Variants in BSPH1 observed in about 807,000 individuals in gnomAD.
BSPH1 encodes the protein binder of sperm protein homolog 1, also known as binder of sperm 1.
In BSPH1, 21 loss-of-function variants were observed where a neutral mutation model predicts 22.5. The ratio of observed to expected loss-of-function variants is 0.93; its 90% confidence interval spans 0.66 to 1.35. The LOEUF is 1.35. BSPH1 is among the 40% of genes most tolerant of loss of function. The pLI is 0.00. For missense variants in BSPH1, 141 were observed against 154.2 expected (o/e 0.91, Z 0.45); for synonymous variants, 42 against 53.6 (o/e 0.78, Z 0.95).
intron 1 of BSPH1, among the ~76,000 whole-genome samples, chr19:47,991,272 C>T (rs982068466): frequency 6.6e-6 from 1 of 152,104 alleles, no homozygotes; most frequent in African/African-American, 2.4e-5. Flanking sequence ...GGGCCATGCT[C>T]CTGTCAGACA....
chr19:47,980,912 T>C lies in BSPH1; in HGVS notation c.94+9A>G. The C allele has an allele frequency of 6.9e-7, 1 of 1,456,062 alleles. No homozygotes were observed. Among genetic ancestry groups the C allele is most frequent in the Non-Finnish European group, 9.2e-7 (1 of 1,084,528 alleles). The allele number at this position is 1,456,062 out of a possible 1,614,324, so 90.2% of individuals were successfully genotyped here. A position where few individuals can be genotyped will look rare whatever the true frequency, so the allele number is the denominator to read the frequency against. ...AGAAACGCTAATAAAAGTTTTTTGA[T>C]CAACTCACCCACAGTTGATGATAAT... On this transcript the variant is annotated intron_variant, in intron 2 of 5. Coordinates refer to ENST00000344839, the MANE Select transcript of BSPH1 (RefSeq NM_001128326.2).
In BSPH1 at chr19:47,981,806, ATTGTTC is replaced by A. The variant is rs1412607048; in HGVS notation, c.74-871_74-866del. 3.3e-6 allele frequency: 3 copies of A among 902,104 alleles called. No individual in the cohort carries two copies. In the Admixed American group the frequency reaches 1.9e-4, roughly 56 times the overall value. 55.9% of individuals were successfully genotyped at this position (902,104 alleles called of 1,614,324 possible). ...TTTCTTAAAGCAGCATTTTTCAACCATTGTTCCTTCATGAGCCATTCAACCTGTAAT... is the reference window on the plus strand; with the variant it reads ...TTTCTTAAAGCAGCATTTTTCAACCACTTCATGAGCCATTCAACCTGTAAT... On this transcript the variant is annotated intron_variant, in intron 1 of 5. Coordinates refer to ENST00000344839, the MANE Select transcript of BSPH1 (RefSeq NM_001128326.2).
At chr19:47,983,621 C>G (rs563801626) in intron 1 of BSPH1, among the ~76,000 whole-genome samples, 7 of 152,256 alleles carry the variant, frequency 4.6e-5, no homozygotes, top group African/African-American at 1.4e-4. Flanking sequence ...TGATTAACAC[C>G]AGAAATTCTG....
intron 1 of BSPH1, among the ~76,000 whole-genome samples, 174 bp from the exon 2 acceptor site, chr19:47,981,115 G>A (rs774002077): frequency 3.3e-5 from 5 of 152,042 alleles, no homozygotes; most frequent in Non-Finnish European, 7.4e-5. Flanking sequence ...CTTTCCTTTT[G>A]CTTTAATTGT....
In BSPH1 at chr19:47,988,793, A is replaced by G. The variant is rs538861198; in HGVS notation, c.73+3216T>C. On this transcript the variant is annotated intron_variant, in intron 1 of 5. Coordinates refer to ENST00000344839, the MANE Select transcript of BSPH1 (RefSeq NM_001128326.2). ...TCTCCCCGCAAGGGACCCCACTCCC[A>G]TGTAATCCCTTAGGCAACCCATCAA... is the stretch of plus-strand genomic sequence containing the variant. Among the ~76,000 whole-genome samples the G allele has an allele frequency of 2.6e-5, 4 of 152,254 alleles. No homozygotes were observed. The South Asian group carries it at 8.3e-4, about 32-fold the overall frequency.
intron 3 of BSPH1, among the ~76,000 whole-genome samples, chr19:47,979,180 C>T (rs1318999775): frequency 6.6e-6 from 1 of 152,036 alleles, no homozygotes; most frequent in African/African-American, 2.4e-5. Context: ...CCTCCTCCTC[C>T]TCCTCTTCCA....
At chr19:47,991,929 C>A (rs2122274440) in intron 1 of BSPH1, 80 bp downstream of exon 1, 1 of 891,254 alleles carries the variant, frequency 1.1e-6, no homozygotes, top group East Asian at 2.8e-5. Flanking sequence ...TCCCCACCTT[C>A]TCCCTCCTTC....
At chr19:47,968,613 A>G (rs1040138048) in intron 5 of BSPH1, among the ~76,000 whole-genome samples, 9 of 143,850 alleles carry the variant, frequency 6.3e-5, no homozygotes, top group Admixed American at 5.8e-4. Flanking sequence ...TGATGGCACC[A>G]CTGCACTGCA....
chr19:47,974,439 G>A (rs1969342331), intron 5 of BSPH1, among the ~76,000 whole-genome samples: 1 of 151,668 alleles, frequency 6.6e-6, no homozygotes, highest in Non-Finnish European at 1.5e-5. Flanking sequence ...CTGGCTAACT[G>A]TTGTATTTTT....
chr19:47,973,223 AT>A (rs1568395387), intron 5 of BSPH1, among the ~76,000 whole-genome samples: 1,626 of 95,450 alleles, frequency 0.017, 41 homozygotes, highest in African/African-American at 0.057. Context: ...TCTCAAAATA[AT>A]AATAATAATA....
intron 1 of BSPH1, among the ~76,000 whole-genome samples, chr19:47,989,716 A>G (rs1195128712): frequency 1.3e-5 from 2 of 150,040 alleles, no homozygotes; most frequent in Non-Finnish European, 3.0e-5. Context: ...ACGACATCTT[A>G]TTATCTGCAA....
chr19:47,969,707 G>GAGAGAGAA (rs1969292731), intron 5 of BSPH1, among the ~76,000 whole-genome samples: 1 of 150,830 alleles, frequency 6.6e-6, no homozygotes, highest in Admixed American at 6.6e-5. Context: ...GAGAGAGAGA[G>GAGAGAGAA]AGAGAGAGAG....
At chr19:47,991,262 G>A (rs900941099) in intron 1 of BSPH1, among the ~76,000 whole-genome samples, 3 of 152,104 alleles carry the variant, frequency 2.0e-5, no homozygotes, top group South Asian at 2.1e-4. Flanking sequence ...CCCATGTGCC[G>A]GGCCATGCTC....
intron 2 of BSPH1, chr19:47,980,343 T>G: frequency 3.2e-6 from 1 of 310,708 alleles, no homozygotes; most frequent in Non-Finnish European, 4.7e-6. Context: ...GCAAAAGGCA[T>G]TTTCTATTTC....
chr19:47,976,721 G>A lies in BSPH1; in HGVS notation c.390C>T (p.Tyr130=). Reference sequence around the variant, plus strand: ...CTGGTAAATCTCACCATCATTCACAGTATTTCCAAATTCGGTCCTTGTTAA... The same window carrying A: ...CTGGTAAATCTCACCATCATTCACAATATTTCCAAATTCGGTCCTTGTTAA... The part of the protein sequence containing the change: ...KNFNKDRIWK[Y]CE The change falls in exon 5 of 6, where the codon TAC becomes TAT. Residue 130 remains tyrosine, a synonymous_variant. Coordinates refer to ENST00000344839, the MANE Select transcript of BSPH1 (RefSeq NM_001128326.2). 6.4e-7 allele frequency: 1 copy of A among 1,551,580 alleles called. No homozygotes were observed. The highest frequency in any genetic ancestry group is 8.7e-7 in the Non-Finnish European group (1 of 1,146,904).
At chr19:47,973,223 ATAATAATAAT>A (rs1568395390) in intron 5 of BSPH1, among the ~76,000 whole-genome samples, 3 of 95,490 alleles carry the variant, frequency 3.1e-5, no homozygotes, top group African/African-American at 1.1e-4. Context: ...TCTCAAAATA[ATAATAATAAT>A]AATAATAATA....
chr19:47,974,498 T>G (rs984606778), intron 5 of BSPH1, among the ~76,000 whole-genome samples: 80 of 151,734 alleles, frequency 5.3e-4, no homozygotes, highest in Non-Finnish European at 1.9e-4. Flanking sequence ...TCAAACTCCT[T>G]ACCTCAGGTG....
chr19:47,982,637 A>G (rs1202768720), intron 1 of BSPH1, among the ~76,000 whole-genome samples: 1 of 152,216 alleles, frequency 6.6e-6, no homozygotes, highest in African/African-American at 2.4e-5. Context: ...CAGAGACTCA[A>G]ACAAATATTT....
chr19:47,991,994 T>C lies in BSPH1; in HGVS notation c.73+15A>G, dbSNP rs1349931927. 3 of 1,512,220 alleles carry C rather than the reference T, an allele frequency of 2.0e-6. No homozygotes were observed. Among genetic ancestry groups the C allele is most frequent in the Non-Finnish European group, 2.7e-6 (3 of 1,111,978 alleles). The allele number at this position is 1,512,220 out of a possible 1,614,324, so 93.7% of individuals were successfully genotyped here. Reference sequence around the variant, plus strand: ...TATCTACCTTGCATAGGAAGAAATATAGAAAAAGAAATACTTAAAATAACA... The same window carrying C: ...TATCTACCTTGCATAGGAAGAAATACAGAAAAAGAAATACTTAAAATAACA... On this transcript the variant is annotated intron_variant, in intron 1 of 5. Coordinates refer to ENST00000344839, the MANE Select transcript of BSPH1 (RefSeq NM_001128326.2).
Sources: gnomAD v4.1 joint callset for allele counts (sites outside exome capture counted in the v4.1 genomes callset) on GRCh38, gnomAD v4.1.1 for gene constraint, MANE v1.5 for transcripts, NCBI Gene and HGNC (gene_info 2026-07-23, HGNC 2026-07-21) for gene names.